The following LYST variants were observed in gnomAD, a reference collection of about 807,000 sequenced individuals.
The protein encoded by LYST is lysosomal trafficking regulator.
A neutral mutation model predicts 413.6 loss-of-function variants in LYST; 192 were observed. The observed-to-expected ratio is 0.46, with a 90% confidence interval of 0.41 to 0.52. The LOEUF (loss-of-function observed/expected upper bound fraction) is 0.52. Among genes scored for constraint, LYST ranks in the 20% least tolerant of loss-of-function variants. LYST has a pLI of 0.00. For synonymous variants in LYST, 1,525 were observed against 1,567.3 expected (o/e 0.97, Z 0.64); for missense variants, 3,815 against 4,499.9 (o/e 0.85, Z 4.35).
Position 235,808,338 on chromosome 1 carries a change from A to G in LYST, c.2363+117T>C, listed in dbSNP as rs1673087461. ...ACACTGCTGCCAAAGCCCTGGAGATATCAGTGTTAGAAGTTTAAATGCATA... is the reference window on the plus strand; with the variant it reads ...ACACTGCTGCCAAAGCCCTGGAGATGTCAGTGTTAGAAGTTTAAATGCATA... On this transcript the variant is annotated intron_variant, in intron 5 of 52. Transcript: ENST00000389793. 1.2e-5 allele frequency: 10 copies of G among 817,302 alleles called. No individual in the cohort carries two copies. In the South Asian group the frequency reaches 1.8e-4, roughly 15 times the overall value. The allele number at this position is 817,302 out of a possible 1,614,324, so 50.6% of individuals were successfully genotyped here.
At chr1:235,879,893 C>A (rs988251936) in intron 1 of LYST, among the ~76,000 whole-genome samples, 1 of 152,180 alleles carries the variant, frequency 6.6e-6, no homozygotes, top group Non-Finnish European at 1.5e-5. Context: ...TGCGCCACCA[C>A]GCCCAGCTAA....
At chr1:235,783,083 T>C (rs1670034077) in intron 14 of LYST, among the ~76,000 whole-genome samples, 1 of 152,208 alleles carries the variant, frequency 6.6e-6, no homozygotes, top group African/African-American at 2.4e-5. Context: ...TTTAGGAATG[T>C]TTTAAACTCC....
chr1:235,732,261 C>T (rs1481702699), intron 34 of LYST, among the ~76,000 whole-genome samples: 1 of 152,148 alleles, frequency 6.6e-6, no homozygotes, highest in African/African-American at 2.4e-5. Context: ...AATTCATTCA[C>T]TAGCATAAAT....
intron 18 of LYST, 39 bp downstream of exon 18, chr1:235,774,874 G>A (rs774496379): frequency 1.5e-6 from 2 of 1,307,508 alleles, no homozygotes; most frequent in East Asian, 2.3e-5. Context: ...GAGTATCACT[G>A]CATATGAAAC....
In LYST at chr1:235,792,038, C is replaced by T. The variant is rs199768620; in HGVS notation, c.4204G>A (p.Ala1402Thr). The T allele has an allele frequency of 3.8e-5, 61 of 1,613,674 alleles. No homozygotes were observed. The highest frequency in any genetic ancestry group is 1.2e-4 in the Admixed American group (7 of 59,992). Residue 1402 changes from alanine (A) to threonine (T), a missense_variant, in exon 12 of 53, where the codon GCT becomes ACT. Transcript: ENST00000389793. ...GAAACACCGTTGCTTAAATTTGGAG[C>T]GTGCAGTAAAGGGAAGGTTAGATAC... is the stretch of plus-strand genomic sequence containing the variant. The part of the protein sequence containing the change: ...SQYLTFPLLH[A>T]PNLSNGVSSQ...
intron 10 of LYST, among the ~76,000 whole-genome samples, 186 bp from the exon 11 acceptor site, chr1:235,793,798 A>C (rs1486402367): frequency 6.6e-6 from 1 of 152,080 alleles, no homozygotes; most frequent in Non-Finnish European, 1.5e-5. Flanking sequence ...ACCAACCAAC[A>C]AAAACAACAA....
At chr1:235,879,281 G>T (rs1255126757) in intron 1 of LYST, among the ~76,000 whole-genome samples, 1 of 152,226 alleles carries the variant, frequency 6.6e-6, no homozygotes, top group Non-Finnish European at 1.5e-5. Context: ...GAATACATTT[G>T]CAGGTATGGG....
At chr1:235,737,502 A>T (rs369092813) in intron 31 of LYST, 14 of 152,306 alleles carry the variant, frequency 9.2e-5, no homozygotes, top group Non-Finnish European at 1.3e-4. Flanking sequence ...CATCTCCTTA[A>T]AAGGATATAA....
At chr1:235,863,949 TC>T (rs986126704) in intron 1 of LYST, among the ~76,000 whole-genome samples, 1 of 152,228 alleles carries the variant, frequency 6.6e-6, no homozygotes, top group African/African-American at 2.4e-5. Flanking sequence ...TAGCATAACA[TC>T]CTGGATATCT....
intron 34 of LYST, among the ~76,000 whole-genome samples, chr1:235,732,012 A>C (rs1207199654): frequency 2.6e-5 from 4 of 152,186 alleles, no homozygotes; most frequent in Non-Finnish European, 5.9e-5. Context: ...TAAGAGAAAA[A>C]AATACCCTTA....
chr1:235,775,094 A>C lies in LYST; in HGVS notation c.5461-8T>G, dbSNP rs747266976. On this transcript the variant is annotated splice_region_variant and splice_polypyrimidine_tract_variant and intron_variant, in intron 17 of 52. Transcript: ENST00000389793. ...GCTACTGAGTTCAACAACCTAAAAA[A>C]AAAAATGGGTGGATATAGTTTTCTC... The C allele has an allele frequency of 6.2e-7, 1 of 1,607,976 alleles. No individual in the cohort carries two copies. The highest frequency in any genetic ancestry group is 2.2e-5 in the East Asian group (1 of 44,688).
chr1:235,841,502 T>C (rs1277513516), intron 1 of LYST, among the ~76,000 whole-genome samples: 4 of 152,104 alleles, frequency 2.6e-5, no homozygotes, highest in Non-Finnish European at 4.4e-5. Flanking sequence ...ATTTCCATCA[T>C]GGAAATGGGC....
Position 235,755,388 on chromosome 1 carries a change from C to CAAGAAAAGAAAAGAAAAG in LYST, c.7229+89_7229+90insCTTTTCTTTTCTTTTCTT, listed in dbSNP as rs71576487. ...TGGGCAACAGGGCGAGACTCCGTCT[C>CAAGAAAAGAAAAGAAAAG]AAAAGAAAAGAAAAGAAAAGAAAAG... On this transcript the variant is annotated intron_variant, in intron 25 of 52. Transcript: ENST00000389793. The CAAGAAAAGAAAAGAAAAG allele has an allele frequency of 2.5e-5, 22 of 867,376 alleles. No homozygotes were observed. The African/African-American group carries it at 3.5e-4, about 14-fold the overall frequency. 53.7% of individuals were successfully genotyped at this position (867,376 alleles called of 1,614,324 possible). A position where few individuals can be genotyped will look rare whatever the true frequency, so the allele number is the denominator to read the frequency against.
rs149692312 is a variant in LYST at position 235,835,007 on chromosome 1, G to A, written c.-97-1340C>T. On this transcript the variant is annotated intron_variant, in intron 1 of 52. Coordinates refer to ENST00000389793, the MANE Select transcript of LYST (RefSeq NM_000081.4). ...TCGGGTCACTGCAACAACCTCTGCC[G>A]CCTGGGTTCAAGTGATTTTCCTGCC... Among the ~76,000 whole-genome samples the A allele has an allele frequency of 3.4e-3, 514 of 151,646 alleles. 2 individuals are homozygous for A. The highest frequency in any genetic ancestry group is 0.012 in the African/African-American group (483 of 41,304).
intron 10 of LYST, among the ~76,000 whole-genome samples, chr1:235,798,362 G>A (rs1160742916): frequency 6.6e-6 from 1 of 151,572 alleles, no homozygotes; most frequent in East Asian, 1.9e-4. Context: ...TAAAAAATTA[G>A]ATGTTAATAA....
chr1:235,703,064 T>A, intron 44 of LYST, 87 bp from the exon 45 acceptor site: 9 of 977,764 alleles, frequency 9.2e-6, no homozygotes, highest in Non-Finnish European at 1.5e-5. Flanking sequence ...CAACACTTTG[T>A]TTTATATTCT....
At chr1:235,722,195 C>A (rs1663429601) in intron 39 of LYST, among the ~76,000 whole-genome samples, 1 of 152,156 alleles carries the variant, frequency 6.6e-6, no homozygotes, top group Admixed American at 6.5e-5. Context: ...GAACAGCAGA[C>A]AATGACGTCA....
intron 1 of LYST, among the ~76,000 whole-genome samples, chr1:235,851,147 TAAAG>T (rs1678478608): frequency 6.6e-6 from 1 of 151,804 alleles, no homozygotes; most frequent in African/African-American, 2.4e-5. Flanking sequence ...AACAAGTGAA[TAAAG>T]AAACTGTGGT....
At chr1:235,718,678 C>G (rs1326759897) in intron 40 of LYST, among the ~76,000 whole-genome samples, 3 of 152,144 alleles carry the variant, frequency 2.0e-5, no homozygotes, top group African/African-American at 7.2e-5. Flanking sequence ...AACTAAACAT[C>G]AGAATATTTT....
Sources: allele counts gnomAD v4.1 joint callset (sites outside exome capture counted in the v4.1 genomes callset), GRCh38; gene constraint gnomAD v4.1.1; transcripts MANE v1.5; gene names NCBI Gene and HGNC (gene_info 2026-07-23, HGNC 2026-07-21).